Variants in BCO2 observed in about 807,000 individuals in gnomAD.
The protein encoded by BCO2 is beta-carotene oxygenase 2, also known as carotenoid-cleaving dioxygenase, mitochondrial.
Under a neutral mutation model 65.8 loss-of-function variants are expected in BCO2, and 56 were observed. The ratio of observed to expected loss-of-function variants is 0.85; its 90% CI spans 0.69 to 1.06. The LOEUF is 1.06. BCO2 is among the 50% of genes least tolerant of loss of function. The probability of loss-of-function intolerance (pLI) is 0.00; values close to 1 mark genes in which losing one functional copy is unlikely to be tolerated. For synonymous variants in BCO2, 233 were observed against 242.3 expected, an observed-to-expected ratio of 0.96 and a Z score of 0.36; for missense variants, 675 against 698.5, an observed-to-expected ratio of 0.97 and a Z score of 0.38.
rs1473207753 is a variant in BCO2, at chr11:112,200,753, G to A, written c.1006G>A (p.Val336Met). ...CCAGTGTAATACGCGGTTTCATGTG[G>A]TGGAAAAACGCACTGGACAGGTGGA... ...EPQCNTRFHV[V>M]EKRTGQLLPG... The change falls in exon 7 of 12, where the codon GTG becomes ATG. Residue 336 changes from valine (V) to methionine (M), a missense_variant. Transcript: ENST00000357685. The A allele has an allele frequency of 3.1e-6, 5 of 1,613,582 alleles. No individual in the cohort carries two copies. Among genetic ancestry groups the A allele is most frequent in the Non-Finnish European group, 4.2e-6 (5 of 1,179,908 alleles).
intron 8 of BCO2, among the ~76,000 whole-genome samples, chr11:112,212,081 A>C (rs920285791): frequency 3.9e-5 from 6 of 152,206 alleles, no homozygotes; most frequent in Non-Finnish European, 7.3e-5. Context: ...AATCTTAAGA[A>C]TAGCACTAAA....
intron 8 of BCO2, among the ~76,000 whole-genome samples, chr11:112,203,076 G>C (rs1376565075): frequency 6.7e-6 from 1 of 150,308 alleles, no homozygotes; most frequent in Non-Finnish European, 1.5e-5. Flanking sequence ...AAGCATATGT[G>C]ATAGTTCCTT....
chr11:112,206,524 C>T (rs1859344764), intron 8 of BCO2, among the ~76,000 whole-genome samples: 1 of 152,070 alleles, frequency 6.6e-6, no homozygotes, highest in Non-Finnish European at 1.5e-5. Context: ...TTTGGGAGGC[C>T]AAGGTGGGAG....
rs766783882 is a variant in BCO2, at chr11:112,199,679, T to C, written c.737-20T>C. 1.4e-5 allele frequency: 22 copies of C among 1,611,042 alleles called. No individual in the cohort carries two copies. Among genetic ancestry groups the C allele is most frequent in the Non-Finnish European group, 1.9e-5 (22 of 1,177,952 alleles). On this transcript the variant is annotated intron_variant, in intron 5 of 11. Coordinates refer to ENST00000357685, the MANE Select transcript of BCO2 (RefSeq NM_031938.7). ...TAGAATATATGTAAAACAGGTAAGATAGGACTTTTCATTTTTCAGGTTTCT... is the reference window on the plus strand; with the variant it reads ...TAGAATATATGTAAAACAGGTAAGACAGGACTTTTCATTTTTCAGGTTTCT...
chr11:112,182,361 A>G (rs956716932), intron 2 of BCO2, among the ~76,000 whole-genome samples: 1 of 152,208 alleles, frequency 6.6e-6, no homozygotes, highest in Non-Finnish European at 1.5e-5. Flanking sequence ...GCATATACCC[A>G]AAGGACTATA....
chr11:112,201,350 A>G (rs1416886178), intron 7 of BCO2, among the ~76,000 whole-genome samples: 1 of 151,954 alleles, frequency 6.6e-6, no homozygotes, highest in Non-Finnish European at 1.5e-5. Flanking sequence ...GGGTTTCACC[A>G]TATTGGCCAG....
At chr11:112,185,526 T>A (rs1867173633) in intron 2 of BCO2, among the ~76,000 whole-genome samples, 1 of 152,204 alleles carries the variant, frequency 6.6e-6, no homozygotes, top group African/African-American at 2.4e-5. Context: ...AGGGGAAGCA[T>A]GTACCACCTG....
At chr11:112,184,339 G>A (rs1413695817) in intron 2 of BCO2, among the ~76,000 whole-genome samples, 36 of 150,894 alleles carry the variant, frequency 2.4e-4, no homozygotes, top group Admixed American at 2.2e-3. Flanking sequence ...TGCAAGCTCC[G>A]CCTCCCAGGT....
rs1859729675 is a variant in BCO2 at position 112,217,826 on chromosome 11, AC to A, written c.1694del (p.Pro565LeufsTer25). 1.2e-6 allele frequency: 2 copies of A among 1,614,064 alleles called. No homozygotes were observed. Among genetic ancestry groups the A allele is most frequent in the African/African-American group, 2.7e-5 (2 of 74,928 alleles). ...NFEELGRAEV[P>X]VQMPYGFHGT... is the part of the protein sequence containing the mutation. ...TTGAAGAGCTGGGCCGAGCAGAGGT[AC>A]CTGTGCAGATGCCTTATGGGTTCCA... is the stretch of plus-strand genomic sequence containing the variant. On this transcript the variant is annotated frameshift_variant, in exon 12 of 12. Coordinates refer to ENST00000357685, the MANE Select transcript of BCO2 (RefSeq NM_031938.7). LOFTEE classifies it high-confidence loss of function.
intron 8 of BCO2, among the ~76,000 whole-genome samples, chr11:112,210,188 C>A (rs1324629316): frequency 6.6e-6 from 1 of 152,104 alleles, no homozygotes; most frequent in Non-Finnish European, 1.5e-5. Flanking sequence ...AAATAATTTC[C>A]TTAAACATAT....
Position 112,218,055 on chromosome 11 carries a change from A to C in BCO2, c.*181A>C, listed in dbSNP as rs1250207289. ...GGGTGATGGGTTCGTTAGAAGTCCA[A>C]ACCTCAGCAGCACACAATATACTCA... On this transcript the variant is annotated 3_prime_UTR_variant, in exon 12 of 12. Coordinates refer to ENST00000357685, the MANE Select transcript of BCO2 (RefSeq NM_031938.7). 1.8e-6 allele frequency: 1 copy of C among 542,538 alleles called. No individual in the cohort carries two copies. The highest frequency in any genetic ancestry group is 1.9e-5 in the African/African-American group (1 of 52,820). The allele number at this position is 542,538 out of a possible 1,614,324, so 33.6% of individuals were successfully genotyped here.
chr11:112,210,837 C>G lies in BCO2; in HGVS notation c.1195-2887C>G, dbSNP rs190501103. On this transcript the variant is annotated intron_variant, in intron 8 of 11. Coordinates refer to ENST00000357685, the MANE Select transcript of BCO2 (RefSeq NM_031938.7). ...GTGGATTGTATCAATGTAAATTTCCCAGTTGTGATATTATATTATAATTAT... is the reference window on the plus strand; with the variant it reads ...GTGGATTGTATCAATGTAAATTTCCGAGTTGTGATATTATATTATAATTAT... Among the ~76,000 whole-genome samples, 401 of 151,860 alleles carry G rather than the reference C, an allele frequency of 2.6e-3. 1 individual carries two copies. Among genetic ancestry groups the G allele is most frequent in the African/African-American group, 9.2e-3 (381 of 41,430 alleles).
chr11:112,190,431 T>C (rs1652501419), intron 2 of BCO2, among the ~76,000 whole-genome samples: 1 of 152,236 alleles, frequency 6.6e-6, no homozygotes, highest in Non-Finnish European at 1.5e-5. Context: ...TTATTATTAG[T>C]AAATTCATTA....
At chr11:112,196,856 C>G (rs1247040116) in intron 5 of BCO2, among the ~76,000 whole-genome samples, 4 of 151,212 alleles carry the variant, frequency 2.6e-5, no homozygotes, top group Non-Finnish European at 4.4e-5. Flanking sequence ...GTTCTCCTTC[C>G]TTTCCTCCTC....
At chr11:112,209,064 T>G (rs1592862824) in intron 8 of BCO2, among the ~76,000 whole-genome samples, 1 of 152,220 alleles carries the variant, frequency 6.6e-6, no homozygotes, top group Non-Finnish European at 1.5e-5. Context: ...GTACATTTGT[T>G]ACAACTGATG....
chr11:112,210,771 C>G (rs2135392621), intron 8 of BCO2, among the ~76,000 whole-genome samples: 1 of 151,940 alleles, frequency 6.6e-6, no homozygotes, highest in South Asian at 2.1e-4. Context: ...CACACACACA[C>G]ACACACACAC....
At chr11:112,187,091 T>C (rs1356371765) in intron 2 of BCO2, among the ~76,000 whole-genome samples, 3 of 152,216 alleles carry the variant, frequency 2.0e-5, no homozygotes, top group Non-Finnish European at 4.4e-5. Context: ...TCTGAAACTT[T>C]ACTCTGCTCA....
intron 4 of BCO2, 89 bp from the exon 5 acceptor site, chr11:112,194,564 T>C (rs1867505390): frequency 2.5e-6 from 2 of 809,912 alleles, no homozygotes; most frequent in Non-Finnish European, 4.0e-6. Flanking sequence ...TTTCTTATCA[T>C]ATTTTTAAAA....
chr11:112,194,506 A>C (rs1867503238), intron 4 of BCO2, 147 bp from the exon 5 acceptor site: 1 of 569,550 alleles, frequency 1.8e-6, no homozygotes, highest in Non-Finnish European at 3.0e-6. Context: ...TAGTGGGAAA[A>C]ATAATTTTTA....
Sources: gnomAD v4.1 joint callset for allele counts (sites outside exome capture counted in the v4.1 genomes callset) on GRCh38, gnomAD v4.1.1 for gene constraint, MANE v1.5 for transcripts, NCBI Gene and HGNC (gene_info 2026-07-23, HGNC 2026-07-21) for gene names.